Variants in SSBP2 observed in about 807,000 individuals in gnomAD.
The protein encoded by SSBP2 is single-stranded DNA-binding protein 2.
A neutral mutation model predicts 61.8 loss-of-function variants in SSBP2; 17 were observed. The ratio of observed to expected loss-of-function variants is 0.28; its 90% CI spans 0.19 to 0.41. The LOEUF is 0.41. Ranked by LOEUF, SSBP2 falls within the 10% of genes least tolerant of loss-of-function variation. SSBP2 has a pLI of 1.00. For missense variants in SSBP2, 310 were observed against 458.7 expected, an observed-to-expected ratio of 0.68 and a Z score of 2.96; for synonymous variants, 139 against 141.3, an observed-to-expected ratio of 0.98 and a Z score of 0.12.
At chr5:81,640,380 T>C (rs1004483634) in intron 2 of SSBP2, among the ~76,000 whole-genome samples, 1 of 152,072 alleles carries the variant, frequency 6.6e-6, no homozygotes, top group Non-Finnish European at 1.5e-5. Flanking sequence ...GTAATAGCCA[T>C]TTTGAGGTGC....
rs539266915 is a variant in SSBP2, at chr5:81,444,948, C to A, written c.778+1920G>T. 2.0e-5 allele frequency among the ~76,000 whole-genome samples: 3 copies of A among 150,478 alleles called. No individual in the cohort carries two copies. In the South Asian group the frequency reaches 6.4e-4, roughly 32 times the overall value. ...GACCAGCCTTGCCAACATGGTGAAA[C>A]CCCGTCTCTACTAAAAATACAAAAA... On this transcript the variant is annotated intron_variant, in intron 12 of 16. Transcript: ENST00000320672.
At chr5:81,629,046 G>C (rs1171177751) in intron 3 of SSBP2, among the ~76,000 whole-genome samples, 1 of 151,922 alleles carries the variant, frequency 6.6e-6, no homozygotes, top group African/African-American at 2.4e-5. Flanking sequence ...GAGTGCAGTG[G>C]TGCAATCTCA....
intron 4 of SSBP2, among the ~76,000 whole-genome samples, chr5:81,537,127 G>A (rs1208897428): frequency 5.3e-5 from 8 of 152,270 alleles, no homozygotes; most frequent in Admixed American, 4.6e-4. Flanking sequence ...GTGAGGGATT[G>A]TGATTAATAT....
chr5:81,736,931 A>G (rs1261331708), intron 1 of SSBP2, among the ~76,000 whole-genome samples: 1 of 152,220 alleles, frequency 6.6e-6, no homozygotes, highest in Non-Finnish European at 1.5e-5. Flanking sequence ...AGTTTTCTCC[A>G]TGGTACCACA....
rs375406488 is a variant in SSBP2 at position 81,637,804 on chromosome 5, G to A, written c.136-1186C>T. ...TGCTGCTATAAAGACACATGCACACGTATGTTTATTACGGCGATATTCACA... is the reference window on the plus strand; with the variant it reads ...TGCTGCTATAAAGACACATGCACACATATGTTTATTACGGCGATATTCACA... On this transcript the variant is annotated intron_variant, in intron 2 of 16. Transcript: ENST00000320672. 5.3e-5 allele frequency among the ~76,000 whole-genome samples: 8 copies of A among 152,212 alleles called. No individual in the cohort carries two copies. In the East Asian group the frequency reaches 7.7e-4, roughly 15 times the overall value.
intron 4 of SSBP2, among the ~76,000 whole-genome samples, chr5:81,596,170 C>T (rs1743727090): frequency 6.6e-6 from 1 of 152,166 alleles, no homozygotes; most frequent in Admixed American, 6.5e-5. Context: ...CTACAAAAAT[C>T]ACAAGCATTC....
At chr5:81,502,530 T>C (rs1332355020) in intron 5 of SSBP2, among the ~76,000 whole-genome samples, 1 of 152,188 alleles carries the variant, frequency 6.6e-6, no homozygotes, top group African/African-American at 2.4e-5. Context: ...CAGAGTTCTC[T>C]CTCTAGCTCA....
chr5:81,518,659 T>C (rs910029643), intron 4 of SSBP2, among the ~76,000 whole-genome samples: 36 of 152,290 alleles, frequency 2.4e-4, no homozygotes, highest in African/African-American at 8.7e-4. Flanking sequence ...AGGTACTTTA[T>C]GAGAAACACT....
intron 1 of SSBP2, among the ~76,000 whole-genome samples, chr5:81,710,003 A>G (rs1269748425): frequency 6.6e-6 from 1 of 152,062 alleles, no homozygotes; most frequent in Non-Finnish European, 1.5e-5. Flanking sequence ...CTTAACAACT[A>G]AAATATTCAA....
At chr5:81,726,743 C>T (rs1276295108) in intron 1 of SSBP2, among the ~76,000 whole-genome samples, 1 of 152,188 alleles carries the variant, frequency 6.6e-6, no homozygotes, top group Non-Finnish European at 1.5e-5. Flanking sequence ...AGGATACCCA[C>T]AACACTTCTA....
intron 4 of SSBP2, among the ~76,000 whole-genome samples, chr5:81,606,665 TGA>T (rs1744909421): frequency 6.6e-6 from 1 of 152,206 alleles, no homozygotes; most frequent in Non-Finnish European, 1.5e-5. Flanking sequence ...AAAATTTTGT[TGA>T]GATTCCCAAT....
At chr5:81,483,962 A>G (rs1766194696) in intron 6 of SSBP2, among the ~76,000 whole-genome samples, 1 of 152,194 alleles carries the variant, frequency 6.6e-6, no homozygotes, top group East Asian at 1.9e-4. Context: ...TGCATATGAT[A>G]AATGCAGGTA....
At chr5:81,734,970 C>CAAA (rs11350574) in intron 1 of SSBP2, among the ~76,000 whole-genome samples, 13 of 70,494 alleles carry the variant, frequency 1.8e-4, no homozygotes, top group South Asian at 5.1e-4. Flanking sequence ...GACTCCATCT[C>CAAA]AAAAAAAAAA....
chr5:81,729,282 C>T (rs1756099604), intron 1 of SSBP2, among the ~76,000 whole-genome samples: 1 of 152,038 alleles, frequency 6.6e-6, no homozygotes, highest in South Asian at 2.1e-4. Flanking sequence ...AACTAGCCTA[C>T]CTTCAAATAG....
chr5:81,438,300 G>A (rs1452703252), intron 14 of SSBP2, among the ~76,000 whole-genome samples: 15 of 148,770 alleles, frequency 1.0e-4, no homozygotes, highest in African/African-American at 1.5e-4. Context: ...GCAGTGAGCC[G>A]AGATCACATC....
chr5:81,612,813 A>G (rs1489480541), intron 4 of SSBP2, among the ~76,000 whole-genome samples: 1 of 152,080 alleles, frequency 6.6e-6, no homozygotes, highest in East Asian at 1.9e-4. Flanking sequence ...CCATTATAGA[A>G]GTAATTCTGT....
intron 1 of SSBP2, among the ~76,000 whole-genome samples, chr5:81,656,113 G>A (rs910113391): frequency 3.9e-5 from 6 of 152,164 alleles, no homozygotes; most frequent in African/African-American, 7.2e-5. Flanking sequence ...GTGCAGTGGC[G>A]CGATCTTGGC....
At chr5:81,600,263 A>G (rs901399717) in intron 4 of SSBP2, among the ~76,000 whole-genome samples, 1 of 152,122 alleles carries the variant, frequency 6.6e-6, no homozygotes, top group East Asian at 1.9e-4. Context: ...TCCTACATAC[A>G]TTTTAGTCAG....
chr5:81,537,876 G>A (rs1332448569), intron 4 of SSBP2, among the ~76,000 whole-genome samples: 2 of 151,936 alleles, frequency 1.3e-5, no homozygotes, highest in South Asian at 2.1e-4. Context: ...AAATTATAAC[G>A]GCCTCTAAGT....
Sources: gnomAD v4.1 joint callset for allele counts (sites outside exome capture counted in the v4.1 genomes callset) on GRCh38, gnomAD v4.1.1 for gene constraint, MANE v1.5 for transcripts, NCBI Gene and HGNC (gene_info 2026-07-23, HGNC 2026-07-21) for gene names.